Variants in PAPPA observed in about 807,000 individuals in gnomAD.
PAPPA encodes pappalysin-1.
A neutral mutation model predicts 164.0 loss-of-function variants in PAPPA; 60 were observed. That is an observed-to-expected ratio of 0.37 (90% confidence interval 0.30 to 0.45). PAPPA has a LOEUF of 0.45. Among genes scored for constraint, PAPPA ranks in the 20% least tolerant of loss-of-function variants. The probability of loss-of-function intolerance (pLI) is 1.00; values close to 1 mark genes in which losing one functional copy is unlikely to be tolerated. For synonymous variants in PAPPA, 875 were observed against 814.1 expected (o/e 1.07, Z -1.27); for missense variants, 1,782 against 2,087.3 (o/e 0.85, Z 2.85).
At chr9:116,355,068 C>T (rs1320951554) in intron 17 of PAPPA, among the ~76,000 whole-genome samples, 15 of 152,316 alleles carry the variant, frequency 9.8e-5, no homozygotes, top group African/African-American at 3.4e-4. Context: ...CTTCCACTGC[C>T]GGGCTCCGTG....
At chr9:116,358,351 G>T (rs770326023) in intron 17 of PAPPA, among the ~76,000 whole-genome samples, 7 of 152,252 alleles carry the variant, frequency 4.6e-5, no homozygotes, top group Non-Finnish European at 1.0e-4. Context: ...AAATGCATGT[G>T]AGGGCATTGA....
intron 10 of PAPPA, among the ~76,000 whole-genome samples, chr9:116,311,985 T>G (rs1452261585): frequency 6.6e-6 from 1 of 152,212 alleles, no homozygotes; most frequent in Non-Finnish European, 1.5e-5. Context: ...CAGTTGACAC[T>G]TGACTCTTGA....
At chr9:116,315,264 G>C (rs1397377758) in intron 10 of PAPPA, among the ~76,000 whole-genome samples, 4 of 152,136 alleles carry the variant, frequency 2.6e-5, no homozygotes, top group Non-Finnish European at 5.9e-5. Flanking sequence ...AATTGGGGGA[G>C]GAAGAGGTCC....
intron 2 of PAPPA, among the ~76,000 whole-genome samples, chr9:116,201,476 G>A (rs1199774306): frequency 6.6e-6 from 1 of 152,192 alleles, no homozygotes; most frequent in Non-Finnish European, 1.5e-5. Context: ...TTAATCCAGT[G>A]TTGGGAACCA....
intron 10 of PAPPA, among the ~76,000 whole-genome samples, chr9:116,322,176 T>C (rs571064386): frequency 6.6e-6 from 1 of 152,216 alleles, no homozygotes; most frequent in South Asian, 2.1e-4. Flanking sequence ...CCTGTAATCC[T>C]AGCACTTTGG....
intron 9 of PAPPA, among the ~76,000 whole-genome samples, chr9:116,289,389 T>TGGCATATATATGCC (rs1587989241): frequency 7.0e-6 from 1 of 142,002 alleles, no homozygotes; most frequent in Non-Finnish European, 1.5e-5. Context: ...AGCATATGTA[T>TGGCATATATATGCC]ATATAGCTAT....
chr9:116,359,397 G>A (rs1846395066), intron 17 of PAPPA, among the ~76,000 whole-genome samples: 1 of 152,176 alleles, frequency 6.6e-6, no homozygotes, highest in African/African-American at 2.4e-5. Flanking sequence ...GGCACAGAGA[G>A]GCAAACTGTT....
Position 116,153,791 on chromosome 9 carries a change from A to G in PAPPA, c.-382A>G, listed in dbSNP as rs1055794714. 7.1e-6 allele frequency: 1 copy of G among 141,348 alleles called. No individual in the cohort carries two copies. Among genetic ancestry groups the G allele is most frequent in the African/African-American group, 2.6e-5 (1 of 38,778 alleles). 8.8% of individuals were successfully genotyped at this position (141,348 alleles called of 1,614,324 possible). A position where few individuals can be genotyped will look rare whatever the true frequency, so the allele number is the denominator to read the frequency against. ...AAAGGACGCAAAAAATAAATAAATTAGAGCATCTTTTGGGGGGAGGGAATT... is the reference window on the plus strand; with the variant it reads ...AAAGGACGCAAAAAATAAATAAATTGGAGCATCTTTTGGGGGGAGGGAATT... On this transcript the variant is annotated 5_prime_UTR_variant, in exon 1 of 22. Transcript: ENST00000328252.
chr9:116,285,631 C>T (rs936412166), intron 9 of PAPPA, among the ~76,000 whole-genome samples: 1 of 152,118 alleles, frequency 6.6e-6, no homozygotes, highest in Non-Finnish European at 1.5e-5. Context: ...CTCCTCTGTG[C>T]TCCCACAGTA....
intron 21 of PAPPA, among the ~76,000 whole-genome samples, chr9:116,385,664 T>C (rs1028788148): frequency 6.6e-6 from 1 of 152,230 alleles, no homozygotes; most frequent in South Asian, 2.1e-4. Flanking sequence ...ACCCACATTA[T>C]AAATGTAGTT....
intron 2 of PAPPA, among the ~76,000 whole-genome samples, chr9:116,206,745 G>A (rs753835221): frequency 1.3e-5 from 2 of 152,136 alleles, no homozygotes; most frequent in Non-Finnish European, 2.9e-5. Flanking sequence ...GATGTTAAAA[G>A]GGGTGCAGGT....
intron 10 of PAPPA, among the ~76,000 whole-genome samples, chr9:116,319,623 C>T (rs1289355251): frequency 6.6e-6 from 1 of 152,120 alleles, no homozygotes. Context: ...TCATCCTCAC[C>T]GTTATTGTCA....
At chr9:116,304,675 T>C (rs949836730) in intron 10 of PAPPA, among the ~76,000 whole-genome samples, 4 of 152,094 alleles carry the variant, frequency 2.6e-5, no homozygotes, top group African/African-American at 9.7e-5. Context: ...ATTCCAATCT[T>C]GTAAGGGGGG....
At chr9:116,304,293 T>A (rs1845616839) in intron 10 of PAPPA, among the ~76,000 whole-genome samples, 1 of 152,232 alleles carries the variant, frequency 6.6e-6, no homozygotes. Context: ...CAAATGTGTG[T>A]TTAATTGACT....
At chr9:116,366,485 A>C (rs1268304626) in intron 18 of PAPPA, among the ~76,000 whole-genome samples, 1 of 152,102 alleles carries the variant, frequency 6.6e-6, no homozygotes, top group Non-Finnish European at 1.5e-5. Context: ...TTATGTACTT[A>C]CTTCTTCCTT....
intron 2 of PAPPA, among the ~76,000 whole-genome samples, chr9:116,197,218 A>G (rs1183213158): frequency 6.6e-6 from 1 of 152,164 alleles, no homozygotes; most frequent in Non-Finnish European, 1.5e-5. Flanking sequence ...CCTGTTTCCA[A>G]GATTGTGGGA....
intron 2 of PAPPA, among the ~76,000 whole-genome samples, chr9:116,202,294 C>T (rs1052506141): frequency 6.6e-6 from 1 of 152,130 alleles, no homozygotes; most frequent in Non-Finnish European, 1.5e-5. Context: ...CCCTCTCATT[C>T]AGATTATTAC....
At position 116,172,500 on chromosome 9, in the gene PAPPA, C is replaced by T. The variant is rs74967824; in HGVS notation, c.416-14654C>T. Among the ~76,000 whole-genome samples the T allele has an allele frequency of 6.3e-3, 958 of 152,300 alleles. 35 individuals carry two copies. The East Asian group carries it at 0.11, about 17-fold the overall frequency. On this transcript the variant is annotated intron_variant, in intron 1 of 21. Coordinates refer to ENST00000328252, the MANE Select transcript of PAPPA (RefSeq NM_002581.5). Reference sequence around the variant, plus strand: ...TCCTCCCCAGTGTGATGATCAAAAACGTCTGTAGACATTGCCAAATGTTCC... The same window carrying T: ...TCCTCCCCAGTGTGATGATCAAAAATGTCTGTAGACATTGCCAAATGTTCC...
At chr9:116,292,390 A>G (rs913632976) in intron 9 of PAPPA, among the ~76,000 whole-genome samples, 4 of 152,182 alleles carry the variant, frequency 2.6e-5, no homozygotes, top group African/African-American at 9.7e-5. Flanking sequence ...TGTTGGCTTG[A>G]ACTAGGGTGG....
Sources: allele counts gnomAD v4.1 joint callset (sites outside exome capture counted in the v4.1 genomes callset), GRCh38; gene constraint gnomAD v4.1.1; transcripts MANE v1.5; gene names NCBI Gene and HGNC (gene_info 2026-07-23, HGNC 2026-07-21).